GBA2: variants seen among roughly 807,000 people sequenced by gnomAD.
GBA2 encodes non-lysosomal glucosylceramidase.
A neutral mutation model predicts 112.9 loss-of-function variants in GBA2; 79 were observed. The ratio of observed to expected loss-of-function variants is 0.70; its 90% CI spans 0.58 to 0.84. The LOEUF (loss-of-function observed/expected upper bound fraction) is 0.84, where lower values mean the gene tolerates loss of function less well. Ranked by LOEUF, GBA2 falls within the 40% of genes least tolerant of loss-of-function variation. GBA2 has a pLI of 0.00. For missense variants in GBA2, 1,043 were observed against 1,190.0 expected (o/e 0.88, Z 1.82); for synonymous variants, 403 against 434.3 (o/e 0.93, Z 0.90).
In GBA2 at chr9:35,749,104, C is replaced by A. The variant is rs1335219526; in HGVS notation, c.-400G>T. 1 of 238,716 alleles carries A rather than the reference C, an allele frequency of 4.2e-6. No individual in the cohort carries two copies. The highest frequency in any genetic ancestry group is 2.4e-5 in the African/African-American group (1 of 41,950). 14.8% of individuals were successfully genotyped at this position (238,716 alleles called of 1,614,324 possible). ...CCTCGGCCCGGCCCCTGGGCCACGG[C>A]ACCGGGTCCCCCAGGATTGGGCGCC... On this transcript the variant is annotated 5_prime_UTR_variant, in exon 1 of 17. Transcript: ENST00000378103. The surrounding 1 kb of genome is among the most constrained non-coding windows in gnomAD (Gnocchi z 4.4).
In GBA2 at chr9:35,744,388, C is replaced by G; in HGVS notation, c.476G>C (p.Gly159Ala). 6.2e-7 allele frequency: 1 copy of G among 1,608,902 alleles called. No individual in the cohort carries two copies. The highest frequency in any genetic ancestry group is 8.5e-7 in the Non-Finnish European group (1 of 1,175,316). Residue 159 changes from glycine (G) to alanine (A), a missense_variant, in exon 3 of 17, where the codon GGA (glycine) becomes GCA (alanine). Coordinates refer to ENST00000378103, the MANE Select transcript of GBA2 (RefSeq NM_020944.3). ...IYGCPLGGIG[G>A]GTITRGWRGQ... is the part of the protein sequence containing the mutation. ...TCTCCAGCCACGGGTAATAGTGCCT[C>G]CCCCGATGCCACCCAAGGGACAACC...
In GBA2 at chr9:35,738,085, A is replaced by G. The variant is rs1168340536; in HGVS notation, c.2265T>C (p.Ala755=). 4.3e-6 allele frequency: 7 copies of G among 1,613,778 alleles called. No homozygotes were observed. The South Asian group carries it at 7.7e-5, about 18-fold the overall frequency. The change falls in exon 15 of 17, where the codon GCT becomes GCC. Residue 755 remains alanine (A), a synonymous_variant. Coordinates refer to ENST00000378103, the MANE Select transcript of GBA2 (RefSeq NM_020944.3). The part of the protein sequence containing the change: ...QSRSVMSDQC[A]GQWFLKACGL... ...CACAGGCCTTCAGGAACCACTGTCC[A>G]GCACACTGGTCAGACATAACACTAC...
intron 1 of GBA2, among the ~76,000 whole-genome samples, chr9:35,747,028 T>C (rs1827002928): frequency 6.6e-6 from 1 of 152,138 alleles, no homozygotes; most frequent in Non-Finnish European, 1.5e-5. Context: ...TCCTGACCTA[T>C]TTGGCCTTCT....
chr9:35,743,410 CTA>C (rs955754913), intron 3 of GBA2: 1 of 153,498 alleles, frequency 6.5e-6, no homozygotes, highest in Admixed American at 6.5e-5. Context: ...AGCACAGTGT[CTA>C]GCACATGTTA....
intron 1 of GBA2, 94 bp from the exon 2 acceptor site, chr9:35,744,800 T>G: frequency 2.7e-6 from 2 of 744,538 alleles, no homozygotes; most frequent in Non-Finnish European, 5.0e-6. Context: ...TCCCATTAAA[T>G]GTCCCAAGGA....
In GBA2 at chr9:35,739,613, A is replaced by G. The variant is rs372401205; in HGVS notation, c.1582+15T>C. ...GGGATGGCCTGCCATATCCCAGCCCACCAGCATCCTGTACCCTCAAGGTAG... is the reference window on the plus strand; with the variant it reads ...GGGATGGCCTGCCATATCCCAGCCCGCCAGCATCCTGTACCCTCAAGGTAG... On this transcript the variant is annotated intron_variant, in intron 9 of 16. Coordinates refer to ENST00000378103, the MANE Select transcript of GBA2 (RefSeq NM_020944.3). 3.2e-4 allele frequency: 510 copies of G among 1,611,084 alleles called. No individual in the cohort carries two copies. The highest frequency in any genetic ancestry group is 4.1e-4 in the Non-Finnish European group (488 of 1,177,860).
intron 1 of GBA2, among the ~76,000 whole-genome samples, chr9:35,747,607 A>C (rs1000690639): frequency 6.6e-6 from 1 of 152,170 alleles, no homozygotes; most frequent in Non-Finnish European, 1.5e-5. Flanking sequence ...TATTGTGTAG[A>C]CTGAGTCAGG....
chr9:35,741,508 C>T lies in GBA2; in HGVS notation c.786+164G>A. On this transcript the variant is annotated intron_variant, in intron 4 of 16. Transcript: ENST00000378103. This position sits in a 1 kb window ranked among gnomAD's most constrained non-coding sequence, Gnocchi z 4.6. ...TAGATATGGGGTTTCACGTGTTAGC[C>T]AGGATGGTCTCGATCTCCTGATCTC... The T allele has an allele frequency of 1.5e-6, 1 of 662,034 alleles. No individual in the cohort carries two copies. The highest frequency in any genetic ancestry group is 2.4e-5 in the Admixed American group (1 of 42,426). The allele number at this position is 662,034 out of a possible 1,614,324, so 41.0% of individuals were successfully genotyped here. A position where few individuals can be genotyped will look rare whatever the true frequency, so the allele number is the denominator to read the frequency against.
rs1826958410 is a variant in GBA2, at chr9:35,746,207, T to TG, written c.360-1502dup. 6.6e-6 allele frequency among the ~76,000 whole-genome samples: 1 copy of TG among 152,170 alleles called. No individual in the cohort carries two copies. The highest frequency in any genetic ancestry group is 1.5e-5 in the Non-Finnish European group (1 of 68,032). Reference sequence around the variant, plus strand: ...ATATGGTCTGCAGTCAATGCATATTTGCCAATTTTACAGATGAATGAACAT... The same window carrying TG: ...ATATGGTCTGCAGTCAATGCATATTTGGCCAATTTTACAGATGAATGAACAT... On this transcript the variant is annotated intron_variant, in intron 1 of 16. Transcript: ENST00000378103. The surrounding 1 kb of genome is among the most constrained non-coding windows in gnomAD (Gnocchi z 5.2).
chr9:35,737,508 C>T lies in GBA2; in HGVS notation c.2506-61G>A, dbSNP rs763568035. 6.3e-7 allele frequency: 1 copy of T among 1,582,992 alleles called. No individual in the cohort carries two copies. The highest frequency in any genetic ancestry group is 8.6e-7 in the Non-Finnish European group (1 of 1,163,974). ...GGCACCCTCTGAAGAGCCACTTCCA[C>T]TGGATAGATGGAGGCAGTAGAGTCT... is the stretch of plus-strand genomic sequence containing the variant. On this transcript the variant is annotated intron_variant, in intron 16 of 16. Transcript: ENST00000378103. This position sits in a 1 kb window ranked among gnomAD's most constrained non-coding sequence, Gnocchi z 4.1.
chr9:35,736,873 C>G lies in GBA2; in HGVS notation c.*296G>C, dbSNP rs1826234565. On this transcript the variant is annotated 3_prime_UTR_variant, in exon 17 of 17. Transcript: ENST00000378103. ...CAAACACACCACACTTAATGGCTTT[C>G]TGGGTCTTTTATTTGTACCCATGTG... 1 of 800,776 alleles carries G rather than the reference C, an allele frequency of 1.2e-6. No homozygotes were observed. Among genetic ancestry groups the G allele is most frequent in the African/African-American group, 1.7e-5 (1 of 57,844 alleles). The allele number at this position is 800,776 out of a possible 1,614,324, so 49.6% of individuals were successfully genotyped here.
rs373065546 is a variant in GBA2 at position 35,739,579 on chromosome 9, C to T, written c.1582+49G>A. On this transcript the variant is annotated intron_variant, in intron 9 of 16. Coordinates refer to ENST00000378103, the MANE Select transcript of GBA2 (RefSeq NM_020944.3). ...ACCCTGGGGTAGGCAAATCCATCAT[C>T]CTGACTTGGGGATGGCCTGCCATAT... 18 of 1,568,958 alleles carry T rather than the reference C, an allele frequency of 1.1e-5. No homozygotes were observed. The African/African-American group carries it at 2.0e-4, about 18-fold the overall frequency.
intron 3 of GBA2, chr9:35,743,463 GA>G (rs1368310702): frequency 6.5e-6 from 1 of 153,342 alleles, no homozygotes; most frequent in Non-Finnish European, 1.5e-5. Context: ...CACAATTCTG[GA>G]AGCCATTCCC....
At chr9:35,739,855 A>G in intron 8 of GBA2, 55 bp from the exon 9 acceptor site, 1 of 1,580,282 alleles carries the variant, frequency 6.3e-7, no homozygotes. Context: ...CCAAGATGGA[A>G]AGGATTTGGG....
At chr9:35,747,833 C>T (rs182901446) in intron 1 of GBA2, among the ~76,000 whole-genome samples, 9 of 152,360 alleles carry the variant, frequency 5.9e-5, no homozygotes, top group East Asian at 1.9e-4. Context: ...CAGGGAGGCT[C>T]TTCTTACCTA....
At position 35,741,382 on chromosome 9, in the gene GBA2, C is replaced by T; in HGVS notation, c.786+290G>A. Reference sequence around the variant, plus strand: ...CAATCTCGGCTCACTGCAAGCTCCGCCTCCCGGGTTCACACCATTATCCTG... The same window carrying T: ...CAATCTCGGCTCACTGCAAGCTCCGTCTCCCGGGTTCACACCATTATCCTG... On this transcript the variant is annotated intron_variant, in intron 4 of 16. Transcript: ENST00000378103. This position sits in a 1 kb window ranked among gnomAD's most constrained non-coding sequence, Gnocchi z 4.6. 1 of 516,218 alleles carries T rather than the reference C, an allele frequency of 1.9e-6. No individual in the cohort carries two copies. Among genetic ancestry groups the T allele is most frequent in the East Asian group, 3.3e-5 (1 of 29,854 alleles). 32.0% of individuals were successfully genotyped at this position (516,218 alleles called of 1,614,324 possible). A position where few individuals can be genotyped will look rare whatever the true frequency, so the allele number is the denominator to read the frequency against.
Position 35,737,962 on chromosome 9 carries a change from A to G in GBA2, c.2314-23T>C. The G allele has an allele frequency of 3.7e-6, 6 of 1,605,664 alleles. No individual in the cohort carries two copies. The highest frequency in any genetic ancestry group is 1.7e-4 in the Middle Eastern group (1 of 6,046). ...CACCTGGAGGGGCAAGGGCAGGAAC[A>G]TGGTCTCATATACTTACTTCCCACC... On this transcript the variant is annotated intron_variant, in intron 15 of 16. Transcript: ENST00000378103. This position sits in a 1 kb window ranked among gnomAD's most constrained non-coding sequence, Gnocchi z 4.1.
intron 13 of GBA2, 49 bp downstream of exon 13, chr9:35,738,474 CTTG>C (rs1041289350): frequency 6.3e-7 from 1 of 1,587,276 alleles, no homozygotes; most frequent in African/African-American, 1.3e-5. Context: ...CCTACAATCC[CTTG>C]TTGCCCAGTT....
Position 35,741,615 on chromosome 9 carries a change from C to G in GBA2, c.786+57G>C. ...GCCTCGCAGGCCATGCAGTTTCTAG[C>G]AGAGGCAGGTCCTGGGGAAGGGAGG... On this transcript the variant is annotated intron_variant, in intron 4 of 16. Coordinates refer to ENST00000378103, the MANE Select transcript of GBA2 (RefSeq NM_020944.3). The surrounding 1 kb of genome is among the most constrained non-coding windows in gnomAD (Gnocchi z 4.6). 2.5e-6 allele frequency: 3 copies of G among 1,179,886 alleles called. No individual in the cohort carries two copies. The highest frequency in any genetic ancestry group is 3.8e-6 in the Non-Finnish European group (3 of 784,162). 73.1% of individuals were successfully genotyped at this position (1,179,886 alleles called of 1,614,324 possible). A position where few individuals can be genotyped will look rare whatever the true frequency, so the allele number is the denominator to read the frequency against.
Sources: gnomAD v4.1 joint callset for allele counts (sites outside exome capture counted in the v4.1 genomes callset) on GRCh38, gnomAD v4.1.1 for gene constraint, Gnocchi (gnomAD v3.1) non-coding constraint, MANE v1.5 for transcripts, NCBI Gene and HGNC (gene_info 2026-07-23, HGNC 2026-07-21) for gene names.